Variants in KRT83 observed in about 807,000 individuals in gnomAD.
The protein encoded by KRT83 is keratin 83.
In KRT83, 51 loss-of-function variants were observed where a neutral mutation model predicts 52.9. The observed-to-expected ratio is 0.96, with a 90% CI of 0.77 to 1.22. The LOEUF is 1.22. KRT83 is among the 50% of genes most tolerant of loss of function. The probability of loss-of-function intolerance (pLI) is 0.00; values close to 1 mark genes in which losing one functional copy is unlikely to be tolerated. For missense variants in KRT83, 654 were observed against 666.5 expected, an observed-to-expected ratio of 0.98 and a Z score of 0.21; for synonymous variants, 278 against 274.1, an observed-to-expected ratio of 1.01 and a Z score of -0.14.
chr12:52,315,484 C>T, intron 7 of KRT83, 141 bp from the exon 8 acceptor site: 1 of 931,160 alleles, frequency 1.1e-6, no homozygotes, highest in Non-Finnish European at 1.7e-6. Context: ...GAAAAAGTTG[C>T]CTTTCTGGCA....
At chr12:52,318,226 A>G (rs1350569864) in intron 2 of KRT83, among the ~76,000 whole-genome samples, 1 of 151,124 alleles carries the variant, frequency 6.6e-6, no homozygotes, top group African/African-American at 2.4e-5. Context: ...CCCAGGTTGG[A>G]GCACAGTGGC....
intron 5 of KRT83, 54 bp downstream of exon 5, chr12:52,316,805 C>T: frequency 1.2e-6 from 2 of 1,613,646 alleles, no homozygotes; most frequent in Non-Finnish European, 1.7e-6. Flanking sequence ...CTACTAGATA[C>T]CTCACATCCC....
intron 2 of KRT83, among the ~76,000 whole-genome samples, chr12:52,318,509 C>T (rs181025587): frequency 2.0e-5 from 3 of 152,096 alleles, no homozygotes; most frequent in East Asian, 1.9e-4. Flanking sequence ...GTGGGATCCT[C>T]GCTCTGTCTC....
chr12:52,317,673 C>G lies in KRT83; in HGVS notation c.750+8G>C. ...GATCTGTGCCCACCATGGTTGAGAG[C>G]CCCTCACCTCCTCGTACAGCCGCCT... On this transcript the variant is annotated splice_region_variant and intron_variant, in intron 4 of 8. Coordinates refer to ENST00000293670, the MANE Select transcript of KRT83 (RefSeq NM_002282.3). 6.2e-7 allele frequency: 1 copy of G among 1,611,842 alleles called. No individual in the cohort carries two copies. The highest frequency in any genetic ancestry group is 8.5e-7 in the Non-Finnish European group (1 of 1,179,644).
In KRT83 at chr12:52,319,298, A is replaced by G. The variant is rs753436187; in HGVS notation, c.451T>C (p.Cys151Arg). ...AGGGGCTCCAGGTTACTCTGGCAGCACTCGCGGTTTTGGTAGAACTGCAGC... is the reference window on the plus strand; with the variant it reads ...AGGGGCTCCAGGTTACTCTGGCAGCGCTCGCGGTTTTGGTAGAACTGCAGC... The part of the protein sequence containing the change: ...TKLQFYQNRE[C>R]CQSNLEPLFA... The change falls in exon 2 of 9, where the codon TGC becomes CGC. Residue 151 changes from cysteine (C) to arginine (R), a missense_variant. Physicochemically the swap from Cys to Arg is radical, Grantham distance 180 (BLOSUM62 -3). Transcript: ENST00000293670. 1.9e-6 allele frequency: 3 copies of G among 1,613,986 alleles called. No individual in the cohort carries two copies. The highest frequency in any genetic ancestry group is 2.5e-6 in the Non-Finnish European group (3 of 1,179,916).
chr12:52,314,500 G>T lies in KRT83; in HGVS notation c.*131C>A. The T allele has an allele frequency of 2.3e-6, 2 of 869,606 alleles. No homozygotes were observed. Among genetic ancestry groups the T allele is most frequent in the South Asian group, 2.9e-5 (2 of 69,152 alleles). The allele number at this position is 869,606 out of a possible 1,614,324, so 53.9% of individuals were successfully genotyped here. On this transcript the variant is annotated 3_prime_UTR_variant, in exon 9 of 9. Transcript: ENST00000293670. ...GAAAGGTGGGGAGGAGCCGCTGGTGGGAATGAGCCGATGGTGTATTCTCAG... is the reference window on the plus strand; with the variant it reads ...GAAAGGTGGGGAGGAGCCGCTGGTGTGAATGAGCCGATGGTGTATTCTCAG...
chr12:52,318,764 T>C (rs1231754483), intron 2 of KRT83, among the ~76,000 whole-genome samples: 1 of 152,230 alleles, frequency 6.6e-6, no homozygotes, highest in African/African-American at 2.4e-5. Flanking sequence ...GAACCCGCAC[T>C]GTGTGGCTTG....
chr12:52,319,462 ACCCAGAGTCTT>A (rs1938738997), intron 1 of KRT83, 98 bp from the exon 2 acceptor site: 7 of 1,528,056 alleles, frequency 4.6e-6, no homozygotes, highest in Non-Finnish European at 5.4e-6. Context: ...CAACTCTCTG[ACCCAGAGTCTT>A]CCCTGGAAGG....
chr12:52,315,409 C>A, intron 7 of KRT83, 66 bp from the exon 8 acceptor site: 1 of 1,515,040 alleles, frequency 6.6e-7, no homozygotes, highest in Non-Finnish European at 9.2e-7. Context: ...CGAATTTCCG[C>A]TAGGTGCTGA....
rs1944162803 is a variant in KRT83, at chr12:52,314,360, G to C, written c.*271C>G. 5.4e-6 allele frequency: 3 copies of C among 552,344 alleles called. No individual in the cohort carries two copies. Among genetic ancestry groups the C allele is most frequent in the Non-Finnish European group, 9.8e-6 (3 of 304,892 alleles). The allele number at this position is 552,344 out of a possible 1,614,324, so 34.2% of individuals were successfully genotyped here. A position where few individuals can be genotyped will look rare whatever the true frequency, so the allele number is the denominator to read the frequency against. On this transcript the variant is annotated 3_prime_UTR_variant, in exon 9 of 9. Coordinates refer to ENST00000293670, the MANE Select transcript of KRT83 (RefSeq NM_002282.3). ...AGAGGCCAGAGAGGCAGGGGGAACA[G>C]TCTCACAGTGCTTCTTCCAGGGAAG...
Position 52,321,254 on chromosome 12 carries a change from T to C in KRT83, c.82A>G (p.Ser28Gly), listed in dbSNP as rs780709406. Reference protein sequence around the residue: ...SCVSACGPRPSRCCITAAPYR... With the variant: ...SCVSACGPRPGRCCITAAPYR... ...GGGGCGGCGGTGATGCAGCAGCGGC[T>C]TGGCCGGGGCCCGCAGGCAGAGACA... is the stretch of plus-strand genomic sequence containing the variant. The change falls in exon 1 of 9, where the codon AGC becomes GGC. Residue 28 changes from serine to glycine, a missense_variant. Physicochemically the swap from Ser to Gly is moderately conservative, Grantham distance 56 (BLOSUM62 0). Coordinates refer to ENST00000293670, the MANE Select transcript of KRT83 (RefSeq NM_002282.3). The C allele has an allele frequency of 1.8e-5, 29 of 1,613,290 alleles. No individual in the cohort carries two copies. The highest frequency in any genetic ancestry group is 2.3e-5 in the Non-Finnish European group (27 of 1,179,948).
intron 2 of KRT83, 105 bp downstream of exon 2, chr12:52,319,051 C>T: frequency 6.4e-7 from 1 of 1,551,410 alleles, no homozygotes; most frequent in Non-Finnish European, 8.9e-7. Flanking sequence ...GGTTCTTCTC[C>T]ACTCTCAGGC....
intron 8 of KRT83, among the ~76,000 whole-genome samples, 164 bp from the exon 9 acceptor site, chr12:52,314,982 G>T (rs1938664677): frequency 6.6e-6 from 1 of 152,178 alleles, no homozygotes; most frequent in Non-Finnish European, 1.5e-5. Flanking sequence ...GCAGACCGGG[G>T]TTCTGGTCCT....
At chr12:52,320,732 G>C (rs964407804) in intron 1 of KRT83, among the ~76,000 whole-genome samples, 1 of 152,138 alleles carries the variant, frequency 6.6e-6, no homozygotes, top group Admixed American at 6.5e-5. Context: ...TCTGCCCCTC[G>C]TTCTGCTTTT....
At chr12:52,315,281 C>T (rs1592445731) in intron 8 of KRT83, 31 bp downstream of exon 8, 1 of 1,610,242 alleles carries the variant, frequency 6.2e-7, no homozygotes, top group Non-Finnish European at 8.5e-7. Context: ...CCCCAGTCTA[C>T]ATTTTCCTTT....
chr12:52,319,688 A>C (rs1938742018), intron 1 of KRT83, among the ~76,000 whole-genome samples: 1 of 152,158 alleles, frequency 6.6e-6, no homozygotes, highest in African/African-American at 2.4e-5. Context: ...GTTAAAGCTC[A>C]CCTTACTATG....
Position 52,316,022 on chromosome 12 carries a change from C to G in KRT83, c.1133G>C (p.Gly378Ala). 1 of 1,613,524 alleles carries G rather than the reference C, an allele frequency of 6.2e-7. No individual in the cohort carries two copies. Among genetic ancestry groups the G allele is most frequent in the Non-Finnish European group, 8.5e-7 (1 of 1,179,968 alleles). ...GTCTTGCTTGGCCTTCTGCAGGGCGCCCTCCAGCTCGGCCAGCTTGCAGCG... is the reference window on the plus strand; with the variant it reads ...GTCTTGCTTGGCCTTCTGCAGGGCGGCCTCCAGCTCGGCCAGCTTGCAGCG... ...DARCKLAELE[G>A]ALQKAKQDMA... is the part of the protein sequence containing the mutation. The change falls in exon 7 of 9, where the codon GGC (glycine) becomes GCC (alanine). Residue 378 changes from glycine (G) to alanine (A), a missense_variant. Coordinates refer to ENST00000293670, the MANE Select transcript of KRT83 (RefSeq NM_002282.3).
chr12:52,317,856 G>A (rs12322312), intron 3 of KRT83, 54 bp downstream of exon 3: 1 of 1,611,664 alleles, frequency 6.2e-7, no homozygotes, highest in African/African-American at 1.3e-5. Context: ...GCAGGACAAA[G>A]AGGATGGGTG....
Position 52,314,553 on chromosome 12 carries a change from C to T in KRT83, c.*78G>A, listed in dbSNP as rs539354383. The T allele has an allele frequency of 1.5e-6, 2 of 1,322,202 alleles. No homozygotes were observed. The highest frequency in any genetic ancestry group is 2.5e-5 in the East Asian group (1 of 39,832). 81.9% of individuals were successfully genotyped at this position (1,322,202 alleles called of 1,614,324 possible). A position where few individuals can be genotyped will look rare whatever the true frequency, so the allele number is the denominator to read the frequency against. Reference sequence around the variant, plus strand: ...CACAAGGGGAAAAGCCAGCGATGTGCTGCTGTTTTCAGCTGGTGGTGGGGC... The same window carrying T: ...CACAAGGGGAAAAGCCAGCGATGTGTTGCTGTTTTCAGCTGGTGGTGGGGC... On this transcript the variant is annotated 3_prime_UTR_variant, in exon 9 of 9. Coordinates refer to ENST00000293670, the MANE Select transcript of KRT83 (RefSeq NM_002282.3).
Sources: gnomAD v4.1 joint callset for allele counts (sites outside exome capture counted in the v4.1 genomes callset) on GRCh38, gnomAD v4.1.1 for gene constraint, MANE v1.5 for transcripts, NCBI Gene and HGNC (gene_info 2026-07-23, HGNC 2026-07-21) for gene names.